Variants in AUTS2 observed in about 807,000 individuals in gnomAD.
AUTS2 encodes the protein autism susceptibility gene 2 protein.
In AUTS2, 17 loss-of-function variants were observed where a neutral mutation model predicts 112.4. The observed-to-expected ratio is 0.15, with a 90% CI of 0.10 to 0.23. The LOEUF (loss-of-function observed/expected upper bound fraction) is 0.23. AUTS2 is among the 10% of genes least tolerant of loss of function. The pLI is 1.00. For synonymous variants in AUTS2, 751 were observed against 702.7 expected (o/e 1.07, Z -1.09); for missense variants, 1,510 against 1,701.6 (o/e 0.89, Z 1.98).
chr7:70,172,682 C>A (rs1397808466), intron 4 of AUTS2, among the ~76,000 whole-genome samples: 1 of 152,214 alleles, frequency 6.6e-6, no homozygotes, highest in Non-Finnish European at 1.5e-5. Flanking sequence ...TTTCTCAACA[C>A]CATAAGCTAT....
chr7:69,961,023 G>A (rs1005200561), intron 2 of AUTS2, among the ~76,000 whole-genome samples: 1 of 152,078 alleles, frequency 6.6e-6, no homozygotes, highest in Admixed American at 6.6e-5. Context: ...TGTGTTGGGC[G>A]TGTATGTATG....
chr7:70,396,158 C>T (rs964293396), intron 4 of AUTS2, among the ~76,000 whole-genome samples: 2 of 152,096 alleles, frequency 1.3e-5, no homozygotes, highest in Non-Finnish European at 2.9e-5. Context: ...AGATAATGAG[C>T]ATCTTCATTC....
chr7:70,564,681 T>A (rs1441163075), intron 5 of AUTS2, among the ~76,000 whole-genome samples: 1 of 152,236 alleles, frequency 6.6e-6, no homozygotes, highest in African/African-American at 2.4e-5. Flanking sequence ...TTTCTGGTGG[T>A]TATAAAGGAA....
chr7:70,709,380 C>T (rs1340320808), intron 6 of AUTS2, among the ~76,000 whole-genome samples: 1 of 152,156 alleles, frequency 6.6e-6, no homozygotes, highest in African/African-American at 2.4e-5. Flanking sequence ...GCCTCCAAGA[C>T]TCCTTGTGAA....
intron 6 of AUTS2, among the ~76,000 whole-genome samples, chr7:70,758,727 G>T (rs746648775): frequency 2.6e-5 from 4 of 151,986 alleles, no homozygotes; most frequent in Admixed American, 6.6e-5. Flanking sequence ...TTATCCTTTG[G>T]CAAATTCAGA....
intron 4 of AUTS2, among the ~76,000 whole-genome samples, chr7:70,247,721 A>T (rs771937245): frequency 2.8e-4 from 42 of 152,132 alleles, no homozygotes; most frequent in Non-Finnish European, 4.7e-4. Context: ...CATCTTTTCC[A>T]ATCTTCATAC....
At chr7:69,601,292 T>C (rs766360854) in intron 1 of AUTS2, among the ~76,000 whole-genome samples, 7 of 151,588 alleles carry the variant, frequency 4.6e-5, no homozygotes, top group Non-Finnish European at 8.8e-5. Flanking sequence ...CTTTTCCCTT[T>C]CCATTTTTTT....
chr7:70,276,377 C>CTTT (rs545099548), intron 4 of AUTS2, among the ~76,000 whole-genome samples: 1 of 139,936 alleles, frequency 7.1e-6, no homozygotes, highest in African/African-American at 2.6e-5. Context: ...AATTTTGTGA[C>CTTT]TTTTTTTTTT....
At chr7:70,522,540 G>C (rs1444607684) in intron 5 of AUTS2, among the ~76,000 whole-genome samples, 1 of 152,200 alleles carries the variant, frequency 6.6e-6, no homozygotes, top group East Asian at 1.9e-4. Flanking sequence ...CCACTTACAA[G>C]GGAAAATATA....
chr7:69,677,122 G>C (rs1796599704), intron 1 of AUTS2, among the ~76,000 whole-genome samples: 1 of 152,116 alleles, frequency 6.6e-6, no homozygotes, highest in African/African-American at 2.4e-5. Context: ...AATATAGGCT[G>C]TCAGAGCTGA....
At chr7:70,358,640 G>T (rs1792117730) in intron 4 of AUTS2, among the ~76,000 whole-genome samples, 1 of 152,204 alleles carries the variant, frequency 6.6e-6, no homozygotes, top group Admixed American at 6.5e-5. Context: ...TCTCCTTGGT[G>T]TGCACCACAT....
At chr7:70,721,684 T>A (rs1054718386) in intron 6 of AUTS2, among the ~76,000 whole-genome samples, 1 of 152,218 alleles carries the variant, frequency 6.6e-6, no homozygotes, top group Admixed American at 6.5e-5. Flanking sequence ...TAGTCAGATA[T>A]TGACCCTGAG....
chr7:69,689,954 A>C (rs753187915), intron 1 of AUTS2, among the ~76,000 whole-genome samples: 5 of 151,894 alleles, frequency 3.3e-5, no homozygotes, highest in Non-Finnish European at 5.9e-5. Flanking sequence ...TGGCCTCCCA[A>C]AGTGCTGGGA....
chr7:70,715,537 C>CTTTTT (rs1810317295), intron 6 of AUTS2, among the ~76,000 whole-genome samples: 1 of 148,134 alleles, frequency 6.8e-6, no homozygotes, highest in Non-Finnish European at 1.5e-5. Context: ...CTTTTCTTTT[C>CTTTTT]TTTTCTTTTT....
intron 2 of AUTS2, among the ~76,000 whole-genome samples, chr7:70,063,405 G>A (rs955729679): frequency 1.3e-5 from 2 of 152,042 alleles, no homozygotes; most frequent in Non-Finnish European, 1.5e-5. Context: ...GAATGATGAA[G>A]AGCAAAATTC....
rs115214553 is a variant in AUTS2, at chr7:69,920,465, C to T, written c.522+20967C>T. On this transcript the variant is annotated intron_variant, in intron 2 of 18. Coordinates refer to ENST00000342771, the MANE Select transcript of AUTS2 (RefSeq NM_015570.4). ...CCATGCCCGGCTGTTTTTGTATTTT[C>T]GGGGGAGGCAGGGTTTTTCCATGTT... 1.6e-3 allele frequency among the ~76,000 whole-genome samples: 236 copies of T among 151,904 alleles called. 2 individuals are homozygous for T. Among genetic ancestry groups the T allele is most frequent in the East Asian group, 9.1e-3 (47 of 5,158 alleles).
At chr7:69,908,145 C>G (rs967052800) in intron 2 of AUTS2, among the ~76,000 whole-genome samples, 2 of 152,020 alleles carry the variant, frequency 1.3e-5, no homozygotes, top group African/African-American at 4.8e-5. Context: ...GGGACAAAAC[C>G]GTGCTGAATT....
intron 9 of AUTS2, 71 bp from the exon 10 acceptor site, chr7:70,767,953 G>T: frequency 1.4e-6 from 2 of 1,479,600 alleles, no homozygotes; most frequent in South Asian, 1.2e-5. Context: ...AGCTTTGTAG[G>T]GCCACCTCCA....
intron 2 of AUTS2, among the ~76,000 whole-genome samples, chr7:69,943,113 G>A (rs938756817): frequency 6.6e-6 from 1 of 152,198 alleles, no homozygotes; most frequent in South Asian, 2.1e-4. Context: ...TTCACACAGA[G>A]CATGCATATG....
Sources: allele counts gnomAD v4.1 joint callset (sites outside exome capture counted in the v4.1 genomes callset), GRCh38; gene constraint gnomAD v4.1.1; transcripts MANE v1.5; gene names NCBI Gene and HGNC (gene_info 2026-07-23, HGNC 2026-07-21).